Variants in MMRN1 observed in about 807,000 individuals in gnomAD.
MMRN1 encodes the protein multimerin 1.
Under a neutral mutation model 100.7 loss-of-function variants are expected in MMRN1, and 94 were observed. The ratio of observed to expected loss-of-function variants is 0.93; its 90% confidence interval spans 0.79 to 1.11. MMRN1 has a LOEUF of 1.11. MMRN1 is among the 50% of genes least tolerant of loss of function. The probability of loss-of-function intolerance (pLI) is 0.00; values close to 1 mark genes in which losing one functional copy is unlikely to be tolerated. For synonymous variants in MMRN1, 575 were observed against 505.0 expected (o/e 1.14, Z -1.86); for missense variants, 1,606 against 1,439.1 (o/e 1.12, Z -1.88).
Position 89,951,685 on chromosome 4 carries a change from T to C in MMRN1, c.3199T>C (p.Cys1067Arg). Residue 1067 changes from cysteine (C) to arginine (R), a missense_variant, in exon 7 of 8, where the codon TGC (cysteine) becomes CGC (arginine). Transcript: ENST00000264790. The part of the protein sequence containing the change: ...INGRTSFTCA[C>R]RHPFTGDNCT... ...TGGAAGAACTAGCTTTACCTGTGCC[T>C]GCAGACATCCTTTTACTGGTGACAA... 1 of 1,602,414 alleles carries C rather than the reference T, an allele frequency of 6.2e-7. No homozygotes were observed. Among genetic ancestry groups the C allele is most frequent in the East Asian group, 2.3e-5 (1 of 44,178 alleles).
At chr4:89,884,120 A>G (rs1720880065) in intron 1 of MMRN1, among the ~76,000 whole-genome samples, 1 of 152,026 alleles carries the variant, frequency 6.6e-6, no homozygotes, top group Admixed American at 6.6e-5. Flanking sequence ...CTTATTGTAG[A>G]TTACGTCTTG....
At chr4:89,890,061 T>C (rs2110574049), upstream of MMRN1, among the ~76,000 whole-genome samples, 1 of 152,128 alleles carries the variant, frequency 6.6e-6, no homozygotes, top group South Asian at 2.1e-4. Flanking sequence ...GGCAGTGTAC[T>C]CAGGCGAGGC....
chr4:89,889,182 T>C (rs1194868264), intron 1 of MMRN1, among the ~76,000 whole-genome samples: 4 of 152,156 alleles, frequency 2.6e-5, no homozygotes, highest in African/African-American at 9.7e-5. Flanking sequence ...TAAAATACTT[T>C]GAGGACGTGA....
At chr4:89,928,668 C>G (rs1385843080) in intron 5 of MMRN1, among the ~76,000 whole-genome samples, 1 of 152,090 alleles carries the variant, frequency 6.6e-6, no homozygotes, top group Non-Finnish European at 1.5e-5. Flanking sequence ...GGCCCATTCC[C>G]AGCTTCTAGA....
At chr4:89,916,324 T>C (rs1338175130) in intron 3 of MMRN1, among the ~76,000 whole-genome samples, 1 of 150,800 alleles carries the variant, frequency 6.6e-6, no homozygotes, top group Admixed American at 6.7e-5. Flanking sequence ...TTAATAGTTG[T>C]TTCTTTTATT....
rs377145502 is a variant in MMRN1, at chr4:89,936,762, C to T, written c.3082C>T (p.Arg1028Trp). The T allele has an allele frequency of 1.3e-5, 21 of 1,604,274 alleles. No homozygotes were observed. Among genetic ancestry groups the T allele is most frequent in the Middle Eastern group, 1.7e-4 (1 of 6,016 alleles). Residue 1028 changes from arginine (R) to tryptophan (W), a missense_variant, in exon 6 of 8, where the codon CGG (arginine) becomes TGG (tryptophan). Coordinates refer to ENST00000264790, the MANE Select transcript of MMRN1 (RefSeq NM_007351.3). ...AAATCTTACCACAGTCCTGATAGGC[C>T]GGACTCAAAGAAACACGGACAACAT... ...TVNLTTVLIGRTQRNTDNIIY... is the reference protein window; with the variant it reads ...TVNLTTVLIGWTQRNTDNIIY...
At chr4:89,937,444 G>A (rs1722682403) in intron 6 of MMRN1, among the ~76,000 whole-genome samples, 1 of 152,096 alleles carries the variant, frequency 6.6e-6, no homozygotes, top group African/African-American at 2.4e-5. Flanking sequence ...AAGAGCCATA[G>A]AGGAAGCTCT....
intron 1 of MMRN1, among the ~76,000 whole-genome samples, chr4:89,905,542 G>A (rs1261234495): frequency 2.6e-5 from 4 of 151,438 alleles, no homozygotes; most frequent in African/African-American, 4.8e-5. Context: ...AGTCAGAGAC[G>A]CATGGGTGGG....
intron 5 of MMRN1, among the ~76,000 whole-genome samples, chr4:89,929,434 C>T (rs1034313282): frequency 2.0e-4 from 30 of 152,106 alleles, no homozygotes; most frequent in African/African-American, 7.0e-4. Context: ...TCTGGTATGG[C>T]CCAACCTTAC....
Position 89,935,876 on chromosome 4 carries a change from G to T in MMRN1, c.2196G>T (p.Met732Ile), listed in dbSNP as rs768659746. 6.2e-7 allele frequency: 1 copy of T among 1,610,748 alleles called. No individual in the cohort carries two copies. Among genetic ancestry groups the T allele is most frequent in the Non-Finnish European group, 8.5e-7 (1 of 1,178,496 alleles). The change falls in exon 6 of 8, where the codon ATG becomes ATT. Residue 732 changes from methionine (M) to isoleucine (I), a missense_variant. Transcript: ENST00000264790. ...TGGAAGATGGCCTCAATAAGACAAT[G>T]ACTATTATAAATAATGCTATTGATT... ...LEMEDGLNKTMTIINNAIDFI... is the reference protein window; with the variant it reads ...LEMEDGLNKTITIINNAIDFI...
Position 89,942,541 on chromosome 4 carries a change from TAA to T in MMRN1, c.3118+5744_3118+5745del, listed in dbSNP as rs566440761. Among the ~76,000 whole-genome samples, 330 of 152,252 alleles carry T rather than the reference TAA, an allele frequency of 2.2e-3. 5 individuals are homozygous for T. The highest frequency in any genetic ancestry group is 0.014 in the Middle Eastern group (4 of 294). ...CATATGAAGTCTGAAAAACATACTT[TAA>T]GTTTTTAATTGCCAGTTTTACTATA... On this transcript the variant is annotated intron_variant, in intron 6 of 7. Coordinates refer to ENST00000264790, the MANE Select transcript of MMRN1 (RefSeq NM_007351.3).
chr4:89,936,261 C>A lies in MMRN1; in HGVS notation c.2581C>A (p.Arg861=), dbSNP rs758551553. The stretch of plus-strand genomic sequence containing the variant: ...CAAGATTTCCAAAAATTTTGAGACT[C>A]GGTTGCAAGACATTGAGTCTAAAGT... The part of the protein sequence containing the change: ...TTKISKNFET[R]LQDIESKVTQ... The change falls in exon 6 of 8, where the codon CGG becomes AGG. Residue 861 remains arginine, a synonymous_variant. Transcript: ENST00000264790. 1.9e-6 allele frequency: 3 copies of A among 1,604,680 alleles called. No individual in the cohort carries two copies. The highest frequency in any genetic ancestry group is 2.5e-6 in the Non-Finnish European group (3 of 1,177,494).
At chr4:89,929,179 T>G (rs1722358313) in intron 5 of MMRN1, among the ~76,000 whole-genome samples, 1 of 152,172 alleles carries the variant, frequency 6.6e-6, no homozygotes, top group African/African-American at 2.4e-5. Flanking sequence ...CTTGTCTGTT[T>G]GCAAGTTTCA....
chr4:89,947,101 G>A (rs1179864413), intron 6 of MMRN1, among the ~76,000 whole-genome samples: 1 of 152,076 alleles, frequency 6.6e-6, no homozygotes, highest in Admixed American at 6.6e-5. Context: ...GGCCCACACG[G>A]TGAAACCCCG....
chr4:89,897,057 T>C (rs1440317022), intron 1 of MMRN1, among the ~76,000 whole-genome samples: 1 of 152,164 alleles, frequency 6.6e-6, no homozygotes, highest in Non-Finnish European at 1.5e-5. Flanking sequence ...AGAAATGTCA[T>C]TTATTGACAG....
intron 6 of MMRN1, among the ~76,000 whole-genome samples, chr4:89,941,167 C>T (rs79711544): frequency 2.6e-5 from 4 of 152,098 alleles, no homozygotes; most frequent in Middle Eastern, 3.4e-3. Context: ...AATATAAGCC[C>T]GTTAAATTTT....
chr4:89,929,450 C>T (rs562143482), intron 5 of MMRN1, among the ~76,000 whole-genome samples: 180 of 152,092 alleles, frequency 1.2e-3, no homozygotes, highest in African/African-American at 4.0e-3. Flanking sequence ...CTTACCAATG[C>T]TGAGCATGAG....
In MMRN1 at chr4:89,907,794, G is replaced by A. The variant is rs1721615285; in HGVS notation, c.624-1482G>A. Among the ~76,000 whole-genome samples the A allele has an allele frequency of 2.0e-5, 3 of 148,116 alleles. No individual in the cohort carries two copies. The South Asian group carries it at 6.4e-4, about 31-fold the overall frequency. Reference sequence around the variant, plus strand: ...GTTAATTGTTTTAAAGTCATGGGTTGCTAATTCCAACTTCTATGTCATGCC... The same window carrying A: ...GTTAATTGTTTTAAAGTCATGGGTTACTAATTCCAACTTCTATGTCATGCC... On this transcript the variant is annotated intron_variant, in intron 1 of 7. Coordinates refer to ENST00000264790, the MANE Select transcript of MMRN1 (RefSeq NM_007351.3).
At chr4:89,924,836 G>A (rs1722197245) in intron 4 of MMRN1, among the ~76,000 whole-genome samples, 1 of 151,890 alleles carries the variant, frequency 6.6e-6, no homozygotes, top group South Asian at 2.1e-4. Flanking sequence ...GAGCGAGACT[G>A]TCTCAAAAAT....
Sources: allele counts gnomAD v4.1 joint callset (sites outside exome capture counted in the v4.1 genomes callset), GRCh38; gene constraint gnomAD v4.1.1; transcripts MANE v1.5; gene names NCBI Gene and HGNC (gene_info 2026-07-23, HGNC 2026-07-21).